Variants in GLRA3 observed in about 807,000 individuals in gnomAD.
GLRA3 encodes the protein glycine receptor alpha 3.
GLRA3 carries 44 observed loss-of-function variants against 60.4 expected under a neutral mutation model. The ratio of observed to expected loss-of-function variants is 0.73; its 90% CI spans 0.57 to 0.94. The LOEUF is 0.94. Ranked by LOEUF, GLRA3 falls within the 40% of genes least tolerant of loss-of-function variation. GLRA3 has a pLI of 0.00. For synonymous variants in GLRA3, 223 were observed against 192.9 expected, an observed-to-expected ratio of 1.16 and a Z score of -1.29; for missense variants, 508 against 564.6, an observed-to-expected ratio of 0.90 and a Z score of 1.02.
chr4:174,678,765 A>G (rs79822434), intron 6 of GLRA3, among the ~76,000 whole-genome samples: 9,966 of 152,324 alleles, frequency 0.065, 389 homozygotes, highest in South Asian at 0.12. Flanking sequence ...GAAATATATG[A>G]AAATACTTTA....
chr4:174,747,796 T>C (rs923856833), intron 3 of GLRA3, among the ~76,000 whole-genome samples: 14 of 152,086 alleles, frequency 9.2e-5, no homozygotes, highest in African/African-American at 3.1e-4. Context: ...AGGGAGATAA[T>C]CAGTTCAGAT....
chr4:174,710,786 AT>A (rs535083598), intron 5 of GLRA3, among the ~76,000 whole-genome samples: 4 of 151,092 alleles, frequency 2.6e-5, no homozygotes, highest in South Asian at 2.1e-4. Flanking sequence ...AATCAACCTA[AT>A]TTTTTTTTCT....
intron 5 of GLRA3, chr4:174,712,858 CAT>C (rs1735765869): frequency 1.3e-5 from 2 of 151,800 alleles, no homozygotes; most frequent in African/African-American, 4.8e-5. Flanking sequence ...TATATACACA[CAT>C]ATATATGTAG....
At chr4:174,795,806 G>T (rs1739542907) in intron 1 of GLRA3, among the ~76,000 whole-genome samples, 1 of 152,108 alleles carries the variant, frequency 6.6e-6, no homozygotes, top group Non-Finnish European at 1.5e-5. Flanking sequence ...TACTCTGTGT[G>T]GTCTCCTTAT....
chr4:174,660,555 C>T (rs11940363), intron 7 of GLRA3, among the ~76,000 whole-genome samples: 2,950 of 152,286 alleles, frequency 0.019, 36 homozygotes, highest in Middle Eastern at 0.045. Context: ...CTAGGTTGCT[C>T]TATTATAAAA....
intron 9 of GLRA3, among the ~76,000 whole-genome samples, chr4:174,654,617 G>A (rs1463602081): frequency 6.6e-6 from 1 of 152,090 alleles, no homozygotes; most frequent in Non-Finnish European, 1.5e-5. Flanking sequence ...ATTGCATTGT[G>A]GAGGAAGCTA....
At chr4:174,811,259 T>A (rs959798985) in intron 1 of GLRA3, among the ~76,000 whole-genome samples, 1 of 150,912 alleles carries the variant, frequency 6.6e-6, no homozygotes, top group Admixed American at 6.6e-5. Flanking sequence ...TGCTGTTGGA[T>A]AACAAACTTA....
At chr4:174,698,846 C>G (rs1488298969) in intron 5 of GLRA3, among the ~76,000 whole-genome samples, 3 of 152,076 alleles carry the variant, frequency 2.0e-5, no homozygotes, top group Non-Finnish European at 2.9e-5. Flanking sequence ...ATTTCAAACA[C>G]TAAAATTCGC....
At chr4:174,700,615 TTAGA>T (rs1490446375) in intron 5 of GLRA3, among the ~76,000 whole-genome samples, 1 of 152,158 alleles carries the variant, frequency 6.6e-6, no homozygotes, top group African/African-American at 2.4e-5. Flanking sequence ...TGTTGGAAGC[TTAGA>T]TAGGATGAAA....
intron 5 of GLRA3, among the ~76,000 whole-genome samples, chr4:174,699,375 G>A (rs921390858): frequency 1.8e-4 from 27 of 152,136 alleles, no homozygotes; most frequent in Non-Finnish European, 1.5e-5. Context: ...AAAGATAGCT[G>A]ATGTTTTACA....
chr4:174,792,254 CTAAAAGT>C (rs1739378374), intron 1 of GLRA3, among the ~76,000 whole-genome samples: 1 of 152,050 alleles, frequency 6.6e-6, no homozygotes, highest in Admixed American at 6.6e-5. Flanking sequence ...TCCCACAATT[CTAAAAGT>C]CCAAGATCAA....
intron 1 of GLRA3, among the ~76,000 whole-genome samples, chr4:174,814,797 C>T (rs1190790798): frequency 6.6e-6 from 1 of 152,136 alleles, no homozygotes; most frequent in East Asian, 1.9e-4. Context: ...CATGTCCCTC[C>T]CACAACATGT....
chr4:174,715,720 G>A, intron 4 of GLRA3, 150 bp from the exon 5 acceptor site: 1 of 503,908 alleles, frequency 2.0e-6, no homozygotes, highest in Admixed American at 3.4e-5. Flanking sequence ...CTATAAAATA[G>A]CTATGCCCTT....
chr4:174,667,038 C>G (rs1052255126), intron 7 of GLRA3, among the ~76,000 whole-genome samples: 1 of 151,980 alleles, frequency 6.6e-6, no homozygotes, highest in African/African-American at 2.4e-5. Context: ...TACTTTGAGT[C>G]GAATGCTGAC....
intron 1 of GLRA3, among the ~76,000 whole-genome samples, chr4:174,813,120 A>G (rs1330782000): frequency 6.6e-6 from 1 of 152,188 alleles, no homozygotes; most frequent in Non-Finnish European, 1.5e-5. Context: ...CATATATAGA[A>G]GAATTTTTTA....
chr4:174,642,591 T>C lies in GLRA3; in HGVS notation c.*1195A>G, dbSNP rs1334265684. Reference sequence around the variant, plus strand: ...TTGTTGAAGTAATCCCATGGGGTCATTGAAAAATTTTATGTAAAAATTTCA... The same window carrying C: ...TTGTTGAAGTAATCCCATGGGGTCACTGAAAAATTTTATGTAAAAATTTCA... On this transcript the variant is annotated 3_prime_UTR_variant, in exon 10 of 10. Coordinates refer to ENST00000274093, the MANE Select transcript of GLRA3 (RefSeq NM_006529.4). The C allele has an allele frequency of 1.0e-6, 1 of 959,116 alleles. No individual in the cohort carries two copies. The allele number at this position is 959,116 out of a possible 1,614,324, so 59.4% of individuals were successfully genotyped here. A position where few individuals can be genotyped will look rare whatever the true frequency, so the allele number is the denominator to read the frequency against.
In GLRA3 at chr4:174,641,938, T is replaced by C. The variant is rs1732634005; in HGVS notation, c.*1848A>G. Reference sequence around the variant, plus strand: ...TCTTTAGAACAAGAATATGTTTCCATGGTTTTGTTAAATACACACCAAATG... The same window carrying C: ...TCTTTAGAACAAGAATATGTTTCCACGGTTTTGTTAAATACACACCAAATG... On this transcript the variant is annotated 3_prime_UTR_variant, in exon 10 of 10. Transcript: ENST00000274093. 1 of 153,590 alleles carries C rather than the reference T, an allele frequency of 6.5e-6. No homozygotes were observed. Among genetic ancestry groups the C allele is most frequent in the South Asian group, 2.1e-4 (1 of 4,862 alleles). 9.5% of individuals were successfully genotyped at this position (153,590 alleles called of 1,614,324 possible). A position where few individuals can be genotyped will look rare whatever the true frequency, so the allele number is the denominator to read the frequency against.
intron 2 of GLRA3, among the ~76,000 whole-genome samples, chr4:174,777,026 G>A (rs989778082): frequency 1.3e-5 from 2 of 152,048 alleles, no homozygotes; most frequent in Non-Finnish European, 2.9e-5. Flanking sequence ...AAGGGGATGA[G>A]GGCAATGTGT....
chr4:174,827,540 C>T (rs985193377), intron 1 of GLRA3, among the ~76,000 whole-genome samples: 4 of 151,600 alleles, frequency 2.6e-5, no homozygotes, highest in Non-Finnish European at 5.9e-5. Flanking sequence ...TTAATTATTA[C>T]AAATCAAATT....
Sources: allele counts gnomAD v4.1 joint callset (sites outside exome capture counted in the v4.1 genomes callset), GRCh38; gene constraint gnomAD v4.1.1; transcripts MANE v1.5; gene names NCBI Gene and HGNC (gene_info 2026-07-23, HGNC 2026-07-21).